ARHGAP28: variants seen among roughly 807,000 people sequenced by gnomAD.
ARHGAP28 encodes Rho GTPase activating protein 28.
ARHGAP28 carries 56 observed loss-of-function variants against 90.7 expected under a neutral mutation model. The ratio of observed to expected loss-of-function variants is 0.62; its 90% confidence interval spans 0.50 to 0.77. The LOEUF (loss-of-function observed/expected upper bound fraction) is 0.77. Ranked by LOEUF, ARHGAP28 falls within the 30% of genes least tolerant of loss-of-function variation. ARHGAP28 has a pLI of 0.00. For missense variants in ARHGAP28, 869 were observed against 900.9 expected (o/e 0.96, Z 0.45); for synonymous variants, 308 against 323.3 (o/e 0.95, Z 0.51).
At chr18:6,806,094 A>G (rs879810264) in intron 1 of ARHGAP28, among the ~76,000 whole-genome samples, 9 of 151,416 alleles carry the variant, frequency 5.9e-5, no homozygotes, top group Admixed American at 3.9e-4. Flanking sequence ...GAGTTTCACC[A>G]TGTTGCCCAG....
At chr18:6,891,729 A>C (rs888724239) in intron 14 of ARHGAP28, among the ~76,000 whole-genome samples, 1 of 152,196 alleles carries the variant, frequency 6.6e-6, no homozygotes, top group African/African-American at 2.4e-5. Flanking sequence ...CTAGGACTAC[A>C]GATGCATACC....
chr18:6,890,127 G>A (rs374292710), intron 13 of ARHGAP28, 42 bp downstream of exon 13: 4 of 1,606,058 alleles, frequency 2.5e-6, no homozygotes, highest in Non-Finnish European at 3.4e-6. Flanking sequence ...AGAAGTCCAT[G>A]TCCCCAGGAA....
chr18:6,904,706 A>G (rs1476518798), intron 16 of ARHGAP28, among the ~76,000 whole-genome samples: 1 of 152,178 alleles, frequency 6.6e-6, no homozygotes, highest in Non-Finnish European at 1.5e-5. Context: ...CAAAGATAAA[A>G]GGATGACACA....
intron 1 of ARHGAP28, among the ~76,000 whole-genome samples, chr18:6,782,409 G>T (rs898559822): frequency 4.6e-5 from 7 of 151,500 alleles, no homozygotes; most frequent in African/African-American, 1.7e-4. Flanking sequence ...ATAATGTCAA[G>T]ACATTAATTA....
intron 16 of ARHGAP28, among the ~76,000 whole-genome samples, chr18:6,902,192 C>T (rs1021777001): frequency 3.9e-5 from 6 of 152,104 alleles, no homozygotes; most frequent in African/African-American, 1.4e-4. Flanking sequence ...GATCCTTGAA[C>T]AGAAAATGAA....
chr18:6,793,768 G>A (rs1037036709), intron 1 of ARHGAP28, among the ~76,000 whole-genome samples: 6 of 151,884 alleles, frequency 4.0e-5, no homozygotes, highest in African/African-American at 1.5e-4. Flanking sequence ...AGAGGGACCC[G>A]TGAAGGCTAA....
chr18:6,773,819 C>A (rs939800366), intron 1 of ARHGAP28, among the ~76,000 whole-genome samples: 3 of 152,146 alleles, frequency 2.0e-5, no homozygotes, highest in African/African-American at 7.2e-5. Flanking sequence ...GAAGGAAAAA[C>A]TGTAAAAATT....
At chr18:6,758,270 A>G (rs1017813867) in intron 1 of ARHGAP28, among the ~76,000 whole-genome samples, 2 of 152,180 alleles carry the variant, frequency 1.3e-5, no homozygotes, top group African/African-American at 4.8e-5. Context: ...GCCGTAAAGC[A>G]TAACTAAGAC....
chr18:6,737,633 C>T (rs562370610), intron 1 of ARHGAP28, among the ~76,000 whole-genome samples: 1 of 152,034 alleles, frequency 6.6e-6, no homozygotes, highest in Admixed American at 6.5e-5. Flanking sequence ...TGCTTTTTGT[C>T]TCTTGCTGTG....
At position 6,766,917 on chromosome 18, in the gene ARHGAP28, C is replaced by T. The variant is rs76984533; in HGVS notation, c.122+36974C>T. Among the ~76,000 whole-genome samples, 292 of 152,242 alleles carry T rather than the reference C, an allele frequency of 1.9e-3. 8 individuals carry two copies. In the East Asian group the frequency reaches 0.051, roughly 27 times the overall value. On this transcript the variant is annotated intron_variant, in intron 1 of 17. Coordinates refer to ENST00000383472, the MANE Select transcript of ARHGAP28 (RefSeq NM_001366230.1). ...AACGCTTGCATGTCATATCTTGGTC[C>T]GTCCTTTACTTTTCCTGTGCCTGTG...
At chr18:6,847,152 C>G (rs2056871865) in intron 3 of ARHGAP28, among the ~76,000 whole-genome samples, 1 of 152,058 alleles carries the variant, frequency 6.6e-6, no homozygotes, top group Non-Finnish European at 1.5e-5. Context: ...GGTTGTTTGG[C>G]TGGGGGACCT....
chr18:6,793,845 A>C (rs2056422690), intron 1 of ARHGAP28, among the ~76,000 whole-genome samples: 1 of 152,086 alleles, frequency 6.6e-6, no homozygotes. Flanking sequence ...AGACTCATTT[A>C]TCAATATGGA....
chr18:6,896,750 A>G, intron 16 of ARHGAP28, 124 bp downstream of exon 16: 2 of 1,087,364 alleles, frequency 1.8e-6, no homozygotes, highest in Middle Eastern at 3.2e-4. Context: ...TAGGGAGTTT[A>G]CCAGTGGATT....
chr18:6,875,555 G>A (rs550632034), intron 9 of ARHGAP28, among the ~76,000 whole-genome samples: 1 of 152,260 alleles, frequency 6.6e-6, no homozygotes, highest in East Asian at 1.9e-4. Flanking sequence ...TTATTGTGAG[G>A]ATTAGATGAG....
intron 5 of ARHGAP28, among the ~76,000 whole-genome samples, chr18:6,862,960 A>G (rs1280489580): frequency 2.0e-5 from 3 of 152,132 alleles, no homozygotes; most frequent in African/African-American, 7.2e-5. Context: ...ATATAAGGAA[A>G]GTAGGTTTTT....
intron 1 of ARHGAP28, among the ~76,000 whole-genome samples, chr18:6,759,040 A>G (rs1363111949): frequency 6.6e-6 from 1 of 152,228 alleles, no homozygotes; most frequent in Non-Finnish European, 1.5e-5. Flanking sequence ...ATCAATTTAA[A>G]TTTAATACTT....
chr18:6,758,070 G>C (rs892589239), intron 1 of ARHGAP28, among the ~76,000 whole-genome samples: 4 of 152,172 alleles, frequency 2.6e-5, no homozygotes, highest in Admixed American at 2.6e-4. Context: ...TATTTCCCAA[G>C]TTTATTGGTG....
intron 11 of ARHGAP28, among the ~76,000 whole-genome samples, chr18:6,885,805 T>TG (rs2057216158): frequency 1.3e-5 from 2 of 151,008 alleles, no homozygotes; most frequent in African/African-American, 4.9e-5. Context: ...CAGAGTTGTT[T>TG]TTTTTTTTTT....
chr18:6,888,938 A>C lies in ARHGAP28; in HGVS notation c.1537-950A>C, dbSNP rs574134737. 5.9e-5 allele frequency among the ~76,000 whole-genome samples: 9 copies of C among 152,310 alleles called. No homozygotes were observed. In the East Asian group the frequency reaches 1.5e-3, roughly 26 times the overall value. On this transcript the variant is annotated intron_variant, in intron 12 of 17. Transcript: ENST00000383472. Reference sequence around the variant, plus strand: ...CCTTCGTTCAGATCCTGGCTCTGCCACTTAAGCTGAACAAAGCTGCTCAGC... The same window carrying C: ...CCTTCGTTCAGATCCTGGCTCTGCCCCTTAAGCTGAACAAAGCTGCTCAGC...
Sources: gnomAD v4.1 joint callset for allele counts (sites outside exome capture counted in the v4.1 genomes callset) on GRCh38, gnomAD v4.1.1 for gene constraint, MANE v1.5 for transcripts, NCBI Gene and HGNC (gene_info 2026-07-23, HGNC 2026-07-21) for gene names.